LETM1: variants seen among roughly 807,000 people sequenced by gnomAD.
LETM1 encodes leucine zipper and EF-hand containing transmembrane protein 1.
Under a neutral mutation model 74.5 loss-of-function variants are expected in LETM1, and 50 were observed. That is an observed-to-expected ratio of 0.67 (90% confidence interval 0.53 to 0.85). The LOEUF is 0.85. Ranked by LOEUF, LETM1 falls within the 40% of genes least tolerant of loss-of-function variation. The pLI is 0.00. For missense variants in LETM1, 824 were observed against 967.8 expected, an observed-to-expected ratio of 0.85 and a Z score of 1.97; for synonymous variants, 446 against 407.1, an observed-to-expected ratio of 1.10 and a Z score of -1.15.
chr4:1,829,572 T>C (rs1424303954), intron 6 of LETM1, among the ~76,000 whole-genome samples: 1 of 152,234 alleles, frequency 6.6e-6, no homozygotes, highest in Admixed American at 6.5e-5. Flanking sequence ...CCCAACATTT[T>C]GGGAGGCCAA....
chr4:1,829,061 T>C (rs1483600544), intron 6 of LETM1, among the ~76,000 whole-genome samples: 19 of 55,678 alleles, frequency 3.4e-4, no homozygotes, highest in East Asian at 2.0e-3. Flanking sequence ...ACCTCCCTCC[T>C]GGACGGGGCG....
chr4:1,827,885 C>A (rs1277996769), intron 6 of LETM1, among the ~76,000 whole-genome samples: 4 of 148,620 alleles, frequency 2.7e-5, no homozygotes, highest in East Asian at 2.0e-4. Flanking sequence ...GCGCCCCCCC[C>A]ACCTCCCGGA....
chr4:1,816,961 G>T, intron 11 of LETM1, 47 bp from the exon 12 acceptor site: 1 of 1,534,212 alleles, frequency 6.5e-7, no homozygotes, highest in South Asian at 1.2e-5. Context: ...AAAAGAAAAA[G>T]GGGGTCAGGT....
In LETM1 at chr4:1,836,375, T is replaced by C; in HGVS notation, c.738+54A>G. 3 of 1,583,260 alleles carry C rather than the reference T, an allele frequency of 1.9e-6. No individual in the cohort carries two copies. Among genetic ancestry groups the C allele is most frequent in the Admixed American group, 3.4e-5 (2 of 59,024 alleles). On this transcript the variant is annotated intron_variant, in intron 4 of 13. Coordinates refer to ENST00000302787, the MANE Select transcript of LETM1 (RefSeq NM_012318.3). The surrounding 1 kb of genome is among the most constrained non-coding windows in gnomAD (Gnocchi z 5.8). ...TGAAAAGTCACAAACAAGGAAGCCATCACAATGAATTTCAGACTCATTCTA... is the reference window on the plus strand; with the variant it reads ...TGAAAAGTCACAAACAAGGAAGCCACCACAATGAATTTCAGACTCATTCTA...
chr4:1,841,234 AC>A, intron 3 of LETM1, 112 bp downstream of exon 3: 4 of 917,978 alleles, frequency 4.4e-6, no homozygotes, highest in Admixed American at 5.2e-5. Context: ...GGTCCCAGAT[AC>A]TCGGGAGGCT....
At chr4:1,830,221 A>C (rs1448193236) in intron 6 of LETM1, among the ~76,000 whole-genome samples, 1 of 152,184 alleles carries the variant, frequency 6.6e-6, no homozygotes, top group Non-Finnish European at 1.5e-5. Flanking sequence ...CTATCATTTT[A>C]TCTTAATGTT....
At chr4:1,851,377 G>A (rs971851274) in intron 1 of LETM1, among the ~76,000 whole-genome samples, 2 of 152,182 alleles carry the variant, frequency 1.3e-5, no homozygotes, top group African/African-American at 2.4e-5. Flanking sequence ...GAGCCACCGT[G>A]AGAGGACGAA....
chr4:1,815,580 C>CCT, intron 13 of LETM1, 84 bp downstream of exon 13: 1 of 1,495,312 alleles, frequency 6.7e-7, no homozygotes, highest in Non-Finnish European at 9.1e-7. Context: ...AGGAGGGTGC[C>CCT]GGACATGCAA....
At chr4:1,846,307 C>T (rs1301492089) in intron 2 of LETM1, among the ~76,000 whole-genome samples, 1 of 152,228 alleles carries the variant, frequency 6.6e-6, no homozygotes, top group East Asian at 1.9e-4. Flanking sequence ...TTAGCCCAGG[C>T]TGGAGTACAG....
intron 12 of LETM1, 57 bp from the exon 13 acceptor site, chr4:1,815,859 C>A: frequency 6.3e-7 from 1 of 1,598,102 alleles, no homozygotes; most frequent in South Asian, 1.1e-5. Context: ...CACAGGGCCT[C>A]ACTGCCCACA....
At position 1,825,659 on chromosome 4, in the gene LETM1, T is replaced by A; in HGVS notation, c.1105A>T (p.Ser369Cys). Residue 369 changes from serine (S) to cysteine (C), a missense_variant, in exon 7 of 14, where the codon AGC (serine) becomes TGC (cysteine). Physicochemically the swap from Ser to Cys is moderately radical, Grantham distance 112. Transcript: ENST00000302787. ...GCCTGCAGCTCCTTGACATTCAGGC[T>A]GTCCACCCCTTCCTCAGCAATCAGC... is the stretch of plus-strand genomic sequence containing the variant. ...DKLIAEEGVD[S>C]LNVKELQAAC... 6.2e-7 allele frequency: 1 copy of A among 1,613,800 alleles called. No individual in the cohort carries two copies.
intron 3 of LETM1, among the ~76,000 whole-genome samples, chr4:1,838,689 T>C (rs1389882801): frequency 6.6e-6 from 1 of 152,012 alleles, no homozygotes; most frequent in East Asian, 1.9e-4. Flanking sequence ...AAAATAAAAA[T>C]AAGTAAATAA....
At chr4:1,819,162 G>A (rs1003783779) in intron 11 of LETM1, among the ~76,000 whole-genome samples, 176 bp downstream of exon 11, 2 of 151,862 alleles carry the variant, frequency 1.3e-5, no homozygotes, top group Non-Finnish European at 2.9e-5. Flanking sequence ...TGGTCCAGCC[G>A]GAATGGCTGT....
intron 10 of LETM1, 147 bp downstream of exon 10, chr4:1,822,034 G>A: frequency 1.3e-6 from 1 of 778,740 alleles, no homozygotes; most frequent in Non-Finnish European, 1.8e-6. Flanking sequence ...GGGCCCAGTG[G>A]CCTCATCCTC....
chr4:1,817,233 A>G (rs1419629889), intron 11 of LETM1, among the ~76,000 whole-genome samples: 1 of 117,570 alleles, frequency 8.5e-6, no homozygotes, highest in Non-Finnish European at 1.6e-5. Context: ...CAACAGAGCG[A>G]GACTCTGTCT....
At chr4:1,851,706 A>T (rs951879747) in intron 1 of LETM1, among the ~76,000 whole-genome samples, 1 of 152,140 alleles carries the variant, frequency 6.6e-6, no homozygotes, top group Non-Finnish European at 1.5e-5. Context: ...GGCCCAGCGC[A>T]TTCTCCGCTA....
chr4:1,848,586 C>T (rs1308113999), intron 2 of LETM1, among the ~76,000 whole-genome samples: 2 of 150,428 alleles, frequency 1.3e-5, no homozygotes, highest in Admixed American at 1.3e-4. Flanking sequence ...CGCAGTGAGG[C>T]ATGCCTGCAA....
chr4:1,849,318 G>A (rs1577328153), intron 1 of LETM1, 109 bp from the exon 2 acceptor site: 2 of 747,140 alleles, frequency 2.7e-6, no homozygotes, highest in South Asian at 1.5e-5. Context: ...AGGCTAGAGT[G>A]CAATGGCGTG....
intron 8 of LETM1, among the ~76,000 whole-genome samples, chr4:1,823,428 G>C (rs1711865140): frequency 6.6e-6 from 1 of 151,644 alleles, no homozygotes; most frequent in Non-Finnish European, 1.5e-5. Context: ...GGGACCACTG[G>C]CAACTGTGCC....
Sources: allele counts gnomAD v4.1 joint callset (sites outside exome capture counted in the v4.1 genomes callset), GRCh38; gene constraint gnomAD v4.1.1; non-coding constraint Gnocchi (gnomAD v3.1); transcripts MANE v1.5; gene names NCBI Gene and HGNC (gene_info 2026-07-23, HGNC 2026-07-21).